Variants in MYLK observed in about 807,000 individuals in gnomAD.
MYLK encodes the protein myosin light chain kinase, smooth muscle.
Under a neutral mutation model 203.4 loss-of-function variants are expected in MYLK, and 106 were observed. The observed-to-expected ratio is 0.52, with a 90% CI of 0.45 to 0.61. The LOEUF is 0.61. MYLK is among the 20% of genes least tolerant of loss of function. The probability of loss-of-function intolerance (pLI) is 0.00; values close to 1 mark genes in which losing one functional copy is unlikely to be tolerated. For missense variants in MYLK, 2,072 were observed against 2,442.3 expected (o/e 0.85, Z 3.20); for synonymous variants, 867 against 959.5 (o/e 0.90, Z 1.78).
chr3:123,836,687 G>C (rs1038662146), intron 2 of MYLK, among the ~76,000 whole-genome samples: 12 of 152,188 alleles, frequency 7.9e-5, no homozygotes, highest in Admixed American at 5.9e-4. Context: ...AGGCCTACTT[G>C]TATTTTGTTT....
intron 3 of MYLK, among the ~76,000 whole-genome samples, chr3:123,803,713 C>T (rs147462340): frequency 1.3e-5 from 2 of 152,330 alleles, no homozygotes; most frequent in East Asian, 1.9e-4. Context: ...TCTGTTGGGG[C>T]TCCCTGCCCA....
At chr3:123,689,562 G>C (rs1200654486) in intron 19 of MYLK, 1 of 152,270 alleles carries the variant, frequency 6.6e-6, no homozygotes, top group African/African-American at 2.4e-5. Context: ...TACACCTACT[G>C]TCTGTGGGGC....
chr3:123,682,768 T>C (rs7637991), intron 19 of MYLK, among the ~76,000 whole-genome samples: 13,128 of 152,136 alleles, frequency 0.086, 1,685 homozygotes, highest in African/African-American at 0.28. Flanking sequence ...CAGCTTCTGA[T>C]TTCTCTGACT....
chr3:123,767,528 A>G (rs2063745112), intron 4 of MYLK, among the ~76,000 whole-genome samples: 1 of 152,180 alleles, frequency 6.6e-6, no homozygotes, highest in Non-Finnish European at 1.5e-5. Context: ...AATCACTTGA[A>G]CCTGGGAGGT....
chr3:123,842,501 AC>A (rs2066618521), intron 2 of MYLK, among the ~76,000 whole-genome samples: 1 of 152,226 alleles, frequency 6.6e-6, no homozygotes, highest in Non-Finnish European at 1.5e-5. Context: ...CATATATAGA[AC>A]CCTATGCCTG....
intron 2 of MYLK, among the ~76,000 whole-genome samples, chr3:123,865,768 A>C (rs978302695): frequency 6.6e-6 from 1 of 151,976 alleles, no homozygotes; most frequent in African/African-American, 2.4e-5. Context: ...AATCTTTGAC[A>C]CTCCTCCTAC....
intron 16 of MYLK, among the ~76,000 whole-genome samples, chr3:123,707,399 A>G (rs1384186044): frequency 6.6e-6 from 1 of 152,228 alleles, no homozygotes; most frequent in East Asian, 1.9e-4. Context: ...GTTTCAGGGT[A>G]ATTTGTTACA....
intron 2 of MYLK, among the ~76,000 whole-genome samples, chr3:123,872,104 AGC>A: frequency 6.6e-6 from 1 of 152,110 alleles, no homozygotes; most frequent in Non-Finnish European, 1.5e-5. Context: ...TTGTAAATAC[AGC>A]TTCCTGGAAC....
chr3:123,742,193 A>G (rs1163757043), intron 5 of MYLK, among the ~76,000 whole-genome samples: 3 of 152,140 alleles, frequency 2.0e-5, no homozygotes, highest in Admixed American at 2.0e-4. Flanking sequence ...TTTAAATATC[A>G]TCTATATGCT....
At chr3:123,639,267 C>A (rs1014856809) in intron 28 of MYLK, among the ~76,000 whole-genome samples, 28 of 152,372 alleles carry the variant, frequency 1.8e-4, no homozygotes, top group African/African-American at 6.0e-4. Flanking sequence ...AGCGCCGAGG[C>A]ATGTTTCTCA....
At chr3:123,796,903 T>C (rs1418614863) in intron 3 of MYLK, among the ~76,000 whole-genome samples, 1 of 152,192 alleles carries the variant, frequency 6.6e-6, no homozygotes, top group Non-Finnish European at 1.5e-5. Flanking sequence ...CCAATAATCC[T>C]ACATTTAGAA....
chr3:123,666,414 C>T (rs1471013311), intron 21 of MYLK, 68 bp from the exon 22 acceptor site: 1 of 1,607,348 alleles, frequency 6.2e-7, no homozygotes, highest in East Asian at 2.2e-5. Flanking sequence ...CATTCGACGC[C>T]ATTGTCCACA....
chr3:123,760,654 A>G (rs1274889568), intron 4 of MYLK, among the ~76,000 whole-genome samples: 1 of 152,204 alleles, frequency 6.6e-6, no homozygotes, highest in Non-Finnish European at 1.5e-5. Context: ...CTTCTGCCCT[A>G]AGAAATATCA....
chr3:123,809,068 A>G (rs571603283), intron 3 of MYLK, among the ~76,000 whole-genome samples: 216 of 152,298 alleles, frequency 1.4e-3, no homozygotes, highest in Non-Finnish European at 2.5e-3. Flanking sequence ...TAGATTGCAC[A>G]TAATCACAGA....
At chr3:123,722,810 G>A (rs1303744474) in intron 12 of MYLK, among the ~76,000 whole-genome samples, 1 of 152,176 alleles carries the variant, frequency 6.6e-6, no homozygotes, top group Non-Finnish European at 1.5e-5. Context: ...AAGCAATTCT[G>A]CATCCCCCAC....
intron 5 of MYLK, among the ~76,000 whole-genome samples, chr3:123,741,015 T>A (rs4324427): frequency 0.98 from 148,771 of 152,278 alleles, 72,763 homozygotes; most frequent in Middle Eastern, 1. Context: ...GGAAGAGGTC[T>A]TTTTTGAGAT....
chr3:123,861,773 C>T (rs2031946131), intron 2 of MYLK, among the ~76,000 whole-genome samples: 3 of 152,156 alleles, frequency 2.0e-5, no homozygotes, highest in Admixed American at 2.0e-4. Context: ...CTGCTTCCTG[C>T]CTATATGGAG....
In MYLK at chr3:123,655,905, A is replaced by G. The variant is rs112790522; in HGVS notation, c.4288+1221T>C. ...TACATGTTAGCCATGGTGAATTATAACAATAAACCTCTAGCTGGCTCTTGA... is the reference window on the plus strand; with the variant it reads ...TACATGTTAGCCATGGTGAATTATAGCAATAAACCTCTAGCTGGCTCTTGA... On this transcript the variant is annotated intron_variant, in intron 24 of 33. Coordinates refer to ENST00000360304, the MANE Select transcript of MYLK (RefSeq NM_053025.4). 3.3e-5 allele frequency among the ~76,000 whole-genome samples: 5 copies of G among 152,358 alleles called. No individual in the cohort carries two copies. In the South Asian group the frequency reaches 6.2e-4, roughly 19 times the overall value.
At chr3:123,667,258 G>T in intron 20 of MYLK, 71 bp from the exon 21 acceptor site, 1 of 1,474,990 alleles carries the variant, frequency 6.8e-7, no homozygotes, top group Non-Finnish European at 9.4e-7. Context: ...ATCCTAGGAA[G>T]ATGCAGTCTT....
Sources: allele counts gnomAD v4.1 joint callset (sites outside exome capture counted in the v4.1 genomes callset), GRCh38; gene constraint gnomAD v4.1.1; transcripts MANE v1.5; gene names NCBI Gene and HGNC (gene_info 2026-07-23, HGNC 2026-07-21).